EML6: variants seen among roughly 807,000 people sequenced by gnomAD.
The protein encoded by EML6 is EMAP like 6.
A neutral mutation model predicts 240.1 loss-of-function variants in EML6; 154 were observed. That is an observed-to-expected ratio of 0.64 (90% CI 0.56 to 0.73). The LOEUF (loss-of-function observed/expected upper bound fraction) is 0.73, where lower values mean the gene tolerates loss of function less well. Among genes scored for constraint, EML6 ranks in the 30% least tolerant of loss-of-function variants. The pLI is 0.00. For synonymous variants in EML6, 1,148 were observed against 899.0 expected (o/e 1.28, Z -4.95); for missense variants, 2,964 against 2,474.6 (o/e 1.20, Z -4.20).
chr2:54,960,355 T>TGGG (rs1281714475), intron 35 of EML6, 21 bp downstream of exon 35: 1 of 1,513,184 alleles, frequency 6.6e-7, no homozygotes, highest in Non-Finnish European at 9.0e-7. Context: ...CCAGCTCCCC[T>TGGG]GGGGGCTGGG....
intron 41 of EML6, among the ~76,000 whole-genome samples, chr2:54,969,279 T>C (rs1425042614): frequency 6.6e-6 from 1 of 152,194 alleles, no homozygotes; most frequent in Non-Finnish European, 1.5e-5. Context: ...CATTGTAGCA[T>C]GAATACTGGG....
intron 28 of EML6, among the ~76,000 whole-genome samples, chr2:54,933,316 C>T (rs1051502082): frequency 6.6e-6 from 1 of 152,304 alleles, no homozygotes; most frequent in Middle Eastern, 3.4e-3. Context: ...GCAATGTAAT[C>T]ACTTCACCTC....
intron 26 of EML6, among the ~76,000 whole-genome samples, chr2:54,926,824 T>C (rs1323443092): frequency 6.6e-6 from 1 of 152,198 alleles, no homozygotes; most frequent in Non-Finnish European, 1.5e-5. Context: ...GCAACCTGAA[T>C]CTCATCCCTT....
intron 30 of EML6, 113 bp from the exon 31 acceptor site, chr2:54,952,481 T>C: frequency 1.6e-6 from 1 of 617,066 alleles, no homozygotes; most frequent in Non-Finnish European, 2.8e-6. Context: ...ATTTGAGGGC[T>C]GTAAGCTCTC....
chr2:54,907,747 C>G (rs577912974), intron 24 of EML6, among the ~76,000 whole-genome samples: 79 of 152,204 alleles, frequency 5.2e-4, no homozygotes, highest in African/African-American at 1.8e-3. Context: ...TCTGTGTGAG[C>G]AGATATTTCC....
intron 28 of EML6, among the ~76,000 whole-genome samples, chr2:54,941,149 A>G (rs1052110872): frequency 6.6e-6 from 1 of 152,194 alleles, no homozygotes; most frequent in Non-Finnish European, 1.5e-5. Context: ...GACATGCAAT[A>G]ATTTTATATG....
chr2:54,841,366 A>G (rs1166923456), intron 7 of EML6, among the ~76,000 whole-genome samples: 4 of 152,190 alleles, frequency 2.6e-5, no homozygotes, highest in African/African-American at 7.2e-5. Flanking sequence ...ACCTGTAGCA[A>G]TGAATTCAGA....
chr2:54,914,345 G>T (rs1673797692), intron 25 of EML6, among the ~76,000 whole-genome samples: 1 of 152,022 alleles, frequency 6.6e-6, no homozygotes, highest in Non-Finnish European at 1.5e-5. Flanking sequence ...TTTCTCCTGT[G>T]GATTTAAGTG....
In EML6 at chr2:54,892,500, A is replaced by C; in HGVS notation, c.2586A>C (p.Lys862Asn). 5 of 1,551,472 alleles carry C rather than the reference A, an allele frequency of 3.2e-6. No individual in the cohort carries two copies. Among genetic ancestry groups the C allele is most frequent in the Non-Finnish European group, 4.4e-6 (5 of 1,146,808 alleles). Reference protein sequence around the residue: ...SKRGTFGSVGKLETMMCVSYG... With the variant: ...SKRGTFGSVGNLETMMCVSYG... ...GAGGAACTTTTGGAAGCGTTGGAAAATTGGAAACAATGATGTGTGTTTCTT... is the reference window on the plus strand; with the variant it reads ...GAGGAACTTTTGGAAGCGTTGGAAACTTGGAAACAATGATGTGTGTTTCTT... The change falls in exon 19 of 42, where the codon AAA becomes AAC. Residue 862 changes from lysine to asparagine, a missense_variant. Lys to Asn is a moderately conservative substitution (Grantham distance 94, BLOSUM62 0). Transcript: ENST00000356458.
chr2:54,919,578 T>G (rs1674114903), intron 26 of EML6, among the ~76,000 whole-genome samples: 1 of 152,208 alleles, frequency 6.6e-6, no homozygotes, highest in Admixed American at 6.5e-5. Flanking sequence ...TTACCAGCCC[T>G]TCCTATTTGA....
intron 2 of EML6, among the ~76,000 whole-genome samples, chr2:54,730,960 T>C (rs1238619268): frequency 1.3e-5 from 2 of 152,180 alleles, no homozygotes; most frequent in Non-Finnish European, 2.9e-5. Context: ...TGACTATAGA[T>C]TGTGATAAGT....
chr2:54,899,272 A>T (rs1387155360), intron 21 of EML6, among the ~76,000 whole-genome samples: 1 of 152,214 alleles, frequency 6.6e-6, no homozygotes, highest in Non-Finnish European at 1.5e-5. Flanking sequence ...AAGCTGCTTT[A>T]CTAGGAGGGT....
In EML6 at chr2:54,801,720, A is replaced by T. The variant is rs566633001; in HGVS notation, c.198-11512A>T. Among the ~76,000 whole-genome samples the T allele has an allele frequency of 3.3e-5, 5 of 151,880 alleles. No individual in the cohort carries two copies. In the South Asian group the frequency reaches 8.3e-4, roughly 25 times the overall value. ...TTAATGATTTTCTTCTGAACAAACT[A>T]TTGTAAGAACCTAATGCAATTTTTC... On this transcript the variant is annotated intron_variant, in intron 2 of 41. Transcript: ENST00000356458.
At chr2:54,827,978 C>T (rs1425839121) in intron 6 of EML6, among the ~76,000 whole-genome samples, 2 of 152,194 alleles carry the variant, frequency 1.3e-5, no homozygotes, top group African/African-American at 4.8e-5. Context: ...TGATTTATGT[C>T]ATCCACAGTA....
chr2:54,809,830 A>G (rs1667738980), intron 2 of EML6, among the ~76,000 whole-genome samples: 1 of 152,122 alleles, frequency 6.6e-6, no homozygotes, highest in Non-Finnish European at 1.5e-5. Flanking sequence ...TGACATGACA[A>G]ATTTAAAATA....
intron 2 of EML6, among the ~76,000 whole-genome samples, chr2:54,754,991 A>G (rs534937511): frequency 2.6e-5 from 4 of 152,282 alleles, no homozygotes; most frequent in East Asian, 1.9e-4. Context: ...GGTTACCACA[A>G]TGGATACCAC....
intron 2 of EML6, among the ~76,000 whole-genome samples, chr2:54,740,571 A>C (rs950287899): frequency 6.6e-6 from 1 of 152,232 alleles, no homozygotes; most frequent in Non-Finnish European, 1.5e-5. Context: ...CGAATGTCCA[A>C]GGGTCATTTC....
At chr2:54,948,131 C>G (rs1402792463) in intron 28 of EML6, among the ~76,000 whole-genome samples, 3 of 152,154 alleles carry the variant, frequency 2.0e-5, no homozygotes, top group Admixed American at 6.5e-5. Context: ...TAAGGAAACC[C>G]CACGTCACCA....
At chr2:54,771,647 T>C (rs552765574) in intron 2 of EML6, among the ~76,000 whole-genome samples, 6 of 152,396 alleles carry the variant, frequency 3.9e-5, no homozygotes, top group Admixed American at 6.5e-5. Context: ...TGTGAATGTA[T>C]GTGTATATAT....
Sources: allele counts gnomAD v4.1 joint callset (sites outside exome capture counted in the v4.1 genomes callset), GRCh38; gene constraint gnomAD v4.1.1; transcripts MANE v1.5; gene names NCBI Gene and HGNC (gene_info 2026-07-23, HGNC 2026-07-21).